The following FAT1 variants were observed in gnomAD, a reference collection of about 807,000 sequenced individuals.
FAT1 encodes FAT atypical cadherin 1.
FAT1 carries 171 observed loss-of-function variants against 329.8 expected under a neutral mutation model. That is an observed-to-expected ratio of 0.52 (90% CI 0.46 to 0.59). The LOEUF (loss-of-function observed/expected upper bound fraction) is 0.59, where lower values mean the gene tolerates loss of function less well. Ranked by LOEUF, FAT1 falls within the 20% of genes least tolerant of loss-of-function variation. FAT1 has a pLI of 0.00. For missense variants in FAT1, 5,672 were observed against 5,774.4 expected (o/e 0.98, Z 0.57); for synonymous variants, 2,233 against 2,228.6 (o/e 1.00, Z -0.06).
chr4:186,609,060 T>G (rs1380611396), intron 16 of FAT1, 123 bp downstream of exon 16: 7 of 964,824 alleles, frequency 7.3e-6, no homozygotes, highest in Non-Finnish European at 1.1e-5. Context: ...TGTTTACATG[T>G]TGCCGTCAGT....
intron 6 of FAT1, among the ~76,000 whole-genome samples, chr4:186,634,656 TA>T (rs143541115): frequency 0.28 from 42,439 of 150,814 alleles, 6,170 homozygotes; most frequent in Admixed American, 0.33. Context: ...AATAAAAAAG[TA>T]AAAAAAAACA....
intron 2 of FAT1, among the ~76,000 whole-genome samples, chr4:186,691,718 G>A (rs1743770964): frequency 6.6e-6 from 1 of 152,088 alleles, no homozygotes. Context: ...TGTGGTGGGA[G>A]GATTGCTTGA....
At chr4:186,612,191 A>G (rs10008039) in intron 13 of FAT1, among the ~76,000 whole-genome samples, 23,054 of 104,286 alleles carry the variant, frequency 0.22, 1,993 homozygotes, top group East Asian at 0.45. Context: ...GCAAATTTGT[A>G]TGACTATGAC....
chr4:186,617,074 G>A lies in FAT1; in HGVS notation c.9006C>T (p.Thr3002=), dbSNP rs1469542106. 6.2e-7 allele frequency: 1 copy of A among 1,613,936 alleles called. No homozygotes were observed. Among genetic ancestry groups the A allele is most frequent in the East Asian group, 2.2e-5 (1 of 44,866 alleles). The change falls in exon 11 of 27, where the codon ACC becomes ACT. Residue 3002 remains threonine (T), a synonymous_variant. Transcript: ENST00000441802. ...YLLTITATDG[T]FSSKAIVEVK... ...CTTCAACTATCGCTTTTGATGAGAA[G>A]GTGCCATCAGTTGCCGTGATAGTAA...
In FAT1 at chr4:186,610,722, ATATAAATATAAATTTATATAAT is replaced by A. The variant is rs2126464414; in HGVS notation, c.9853+642_9853+663del. Among the ~76,000 whole-genome samples, 3 of 134,030 alleles carry A rather than the reference ATATAAATATAAATTTATATAAT, an allele frequency of 2.2e-5. No individual in the cohort carries two copies. The East Asian group carries it at 6.1e-4, about 27-fold the overall frequency. The allele number at this position is 134,030 out of a possible 152,430, so 87.9% of individuals were successfully genotyped here. On this transcript the variant is annotated intron_variant, in intron 14 of 26. Coordinates refer to ENST00000441802, the MANE Select transcript of FAT1 (RefSeq NM_005245.4). Reference sequence around the variant, plus strand: ...ATATAAATATAAATTTATATAATTTATATAAATATAAATTTATATAATTTATATAAATATAAATTTGAATGGA... The same window carrying A: ...ATATAAATATAAATTTATATAATTTATTATATAAATATAAATTTGAATGGA...
rs189730875 is a variant in FAT1 at position 186,707,746 on chromosome 4, G to A, written c.2082C>T (p.His694=). ...AAATATCCTCCACCTCTCCCTGGTTGTGTAATTTATTTGCCTGCAGGAGCT... is the reference window on the plus strand; with the variant it reads ...AAATATCCTCCACCTCTCCCTGGTTATGTAATTTATTTGCCTGCAGGAGCT... ...AEKLLQANKL[H]NQGEVEDIFF... Residue 694 remains histidine, a synonymous_variant, in exon 2 of 27, where the codon CAC becomes CAT. Transcript: ENST00000441802. 1 of 1,613,704 alleles carries A rather than the reference G, an allele frequency of 6.2e-7. No individual in the cohort carries two copies. The highest frequency in any genetic ancestry group is 2.2e-5 in the East Asian group (1 of 44,884).
Position 186,619,962 on chromosome 4 carries a change from G to C in FAT1, c.6624C>G (p.Ser2208Arg), listed in dbSNP as rs769774359. The part of the protein sequence containing the change: ...HSPVVHVQAN[S>R]PEGLKVFYSI... ...TGTAGAACACTTTCAGGCCTTCCGG[G>C]CTGTTAGCCTGCACGTGGACCACAG... is the stretch of plus-strand genomic sequence containing the variant. The change falls in exon 10 of 27, where the codon AGC becomes AGG. Residue 2208 changes from serine (S) to arginine (R), a missense_variant. Coordinates refer to ENST00000441802, the MANE Select transcript of FAT1 (RefSeq NM_005245.4). 1.2e-6 allele frequency: 2 copies of C among 1,614,000 alleles called. No individual in the cohort carries two copies. Among genetic ancestry groups the C allele is most frequent in the East Asian group, 2.2e-5 (1 of 44,870 alleles).
Position 186,619,987 on chromosome 4 carries a change from G to C in FAT1, c.6599C>G (p.Pro2200Arg), listed in dbSNP as rs759188229. ...EIAESIQVHS[P>R]VVHVQANSPE... is the part of the protein sequence containing the mutation. The stretch of plus-strand genomic sequence containing the variant: ...GCTGTTAGCCTGCACGTGGACCACA[G>C]GGCTGTGCACCTGGATGCTCTCTGC... Residue 2200 changes from proline to arginine, a missense_variant, in exon 10 of 27, where the codon CCT (proline) becomes CGT (arginine). Pro to Arg is a moderately radical substitution (Grantham distance 103, BLOSUM62 -2). This residue lies in a region of FAT1 where 3,966 missense variants were observed against 3,915.2 expected (regional missense o/e 1.01). Transcript: ENST00000441802. 3 of 1,614,012 alleles carry C rather than the reference G, an allele frequency of 1.9e-6. No individual in the cohort carries two copies. Among genetic ancestry groups the C allele is most frequent in the Non-Finnish European group, 2.5e-6 (3 of 1,179,896 alleles).
chr4:186,590,170 A>C (rs1464856324), intron 26 of FAT1, among the ~76,000 whole-genome samples: 1 of 149,006 alleles, frequency 6.7e-6, no homozygotes, highest in African/African-American at 2.5e-5. Context: ...TTTCCTCCTT[A>C]GGATTTAAAA....
intron 22 of FAT1, 92 bp downstream of exon 22, chr4:186,599,806 A>G: frequency 1.0e-6 from 1 of 999,884 alleles, no homozygotes. Context: ...TATCTGAATC[A>G]AAAGAGAAAA....
intron 2 of FAT1, among the ~76,000 whole-genome samples, chr4:186,679,221 C>CA (rs1281383473): frequency 2.6e-5 from 4 of 151,686 alleles, no homozygotes; most frequent in African/African-American, 4.8e-5. Flanking sequence ...ACTAAAAATA[C>CA]AAAAAAACAC....
chr4:186,658,465 A>G (rs1010789413), intron 3 of FAT1, among the ~76,000 whole-genome samples: 27 of 152,152 alleles, frequency 1.8e-4, no homozygotes, highest in African/African-American at 5.8e-4. Flanking sequence ...GGGGAAGGAG[A>G]AAAAGATATT....
rs1739864005 is a variant in FAT1, at chr4:186,618,802, T to C, written c.7784A>G (p.Gln2595Arg). 1 of 1,613,902 alleles carries C rather than the reference T, an allele frequency of 6.2e-7. No individual in the cohort carries two copies. Among genetic ancestry groups the C allele is most frequent in the Non-Finnish European group, 8.5e-7 (1 of 1,179,900 alleles). The change falls in exon 10 of 27, where the codon CAA becomes CGA. Residue 2595 changes from glutamine to arginine, a missense_variant. Transcript: ENST00000441802. Reference protein sequence around the residue: ...ILTDDNDNAPQFRATKYEVNI... With the variant: ...ILTDDNDNAPRFRATKYEVNI... ...CACTTCGTATTTGGTTGCTCGAAAT[T>C]GTGGTGCATTGTCATTGTCATCTGT...
At chr4:186,605,245 A>G (rs1317340847) in intron 17 of FAT1, among the ~76,000 whole-genome samples, 3 of 140,012 alleles carry the variant, frequency 2.1e-5, no homozygotes, top group Non-Finnish European at 3.1e-5. Context: ...AGAGGAAGAG[A>G]GGAAGGAAGA....
At position 186,676,418 on chromosome 4, in the gene FAT1, AT is replaced by A. The variant is rs1297675514; in HGVS notation, c.3266-12806del. 2.6e-5 allele frequency among the ~76,000 whole-genome samples: 4 copies of A among 152,274 alleles called. No individual in the cohort carries two copies. In the East Asian group the frequency reaches 7.7e-4, roughly 29 times the overall value. On this transcript the variant is annotated intron_variant, in intron 2 of 26. Transcript: ENST00000441802. Reference sequence around the variant, plus strand: ...AAATATACATGTATTATATAAAAATATTTTTTAAACCAACGTGTATAAAGGG... The same window carrying A: ...AAATATACATGTATTATATAAAAATATTTTTAAACCAACGTGTATAAAGGG...
At chr4:186,599,288 G>A (rs1279491404) in intron 22 of FAT1, among the ~76,000 whole-genome samples, 1 of 152,034 alleles carries the variant, frequency 6.6e-6, no homozygotes, top group Non-Finnish European at 1.5e-5. Flanking sequence ...TATTATTTTT[G>A]CTCTGTTCAT....
chr4:186,692,370 T>G lies in FAT1; in HGVS notation c.3265+14193A>C, dbSNP rs376868085. ...CTCTGTCGCCCAGGCTGGAGTGCAG[T>G]GGCGCAATCTCGGTTCACTGCAAGC... is the stretch of plus-strand genomic sequence containing the variant. On this transcript the variant is annotated intron_variant, in intron 2 of 26. Coordinates refer to ENST00000441802, the MANE Select transcript of FAT1 (RefSeq NM_005245.4). 4.5e-4 allele frequency among the ~76,000 whole-genome samples: 69 copies of G among 152,268 alleles called. 1 individual carries two copies. The highest frequency in any genetic ancestry group is 1.4e-3 in the African/African-American group (58 of 41,536).
At chr4:186,617,228 A>G in intron 10 of FAT1, 27 bp from the exon 11 acceptor site, 2 of 1,483,882 alleles carry the variant, frequency 1.3e-6, no homozygotes, top group Non-Finnish European at 1.8e-6. Context: ...GGAAGATAAT[A>G]ATCAAATTTG....
At chr4:186,635,415 G>A (rs1402547171) in intron 6 of FAT1, among the ~76,000 whole-genome samples, 1 of 152,116 alleles carries the variant, frequency 6.6e-6, no homozygotes, top group Non-Finnish European at 1.5e-5. Context: ...ATAAGAAGAA[G>A]AAATGGCTTT....
Sources: allele counts gnomAD v4.1 joint callset (sites outside exome capture counted in the v4.1 genomes callset), GRCh38; gene constraint gnomAD v4.1.1; regional missense constraint gnomAD v4.1.1; transcripts MANE v1.5; gene names NCBI Gene and HGNC (gene_info 2026-07-23, HGNC 2026-07-21).